The following GRID2IP variants were observed in gnomAD, a reference collection of about 807,000 sequenced individuals.
GRID2IP encodes the protein Grid2 interacting protein.
In GRID2IP, 78 loss-of-function variants were observed where a neutral mutation model predicts 114.3. The observed-to-expected ratio is 0.68, with a 90% confidence interval of 0.57 to 0.82. The LOEUF (loss-of-function observed/expected upper bound fraction) is 0.82, where lower values mean the gene tolerates loss of function less well. Among genes scored for constraint, GRID2IP ranks in the 40% least tolerant of loss-of-function variants. The pLI, the probability that GRID2IP is intolerant of heterozygous loss-of-function variation, is 0.00. For synonymous variants in GRID2IP, 809 were observed against 724.0 expected, an observed-to-expected ratio of 1.12 and a Z score of -1.89; for missense variants, 1,727 against 1,678.5, an observed-to-expected ratio of 1.03 and a Z score of -0.51.
chr7:6,515,228 G>A (rs1562516895), intron 7 of GRID2IP, among the ~76,000 whole-genome samples: 1 of 152,182 alleles, frequency 6.6e-6, no homozygotes, highest in Non-Finnish European at 1.5e-5. Flanking sequence ...GTGGGAGGCC[G>A]AGGCGGTTGG....
intron 1 of GRID2IP, among the ~76,000 whole-genome samples, chr7:6,542,219 C>T (rs1351120772): frequency 6.8e-6 from 1 of 147,254 alleles, no homozygotes; most frequent in African/African-American, 2.5e-5. Flanking sequence ...GCAGGAGAAT[C>T]GCTTGAACCC....
At chr7:6,549,703 C>T (rs1364483367) in intron 1 of GRID2IP, among the ~76,000 whole-genome samples, 1 of 152,144 alleles carries the variant, frequency 6.6e-6, no homozygotes, top group Non-Finnish European at 1.5e-5. Flanking sequence ...TCACTGCAAC[C>T]TCCGTCTCCC....
intron 4 of GRID2IP, among the ~76,000 whole-genome samples, chr7:6,525,877 C>G (rs1429864201): frequency 1.1e-4 from 16 of 152,070 alleles, no homozygotes; most frequent in Admixed American, 9.2e-4. Context: ...CCTGGCTGCC[C>G]CAGAGTCCTA....
intron 2 of GRID2IP, among the ~76,000 whole-genome samples, chr7:6,537,270 A>G (rs1779741766): frequency 6.7e-6 from 1 of 149,866 alleles, no homozygotes; most frequent in South Asian, 2.2e-4. Flanking sequence ...CAGGCCGGGC[A>G]CGGTGGCTCA....
intron 20 of GRID2IP, among the ~76,000 whole-genome samples, chr7:6,500,760 C>T (rs1166099890): frequency 6.6e-6 from 1 of 152,216 alleles, no homozygotes; most frequent in African/African-American, 2.4e-5. Context: ...GTGTTCCCTG[C>T]CAAGGGGTGT....
Position 6,506,557 on chromosome 7 carries a change from C to A in GRID2IP, c.2545-650G>T, listed in dbSNP as rs937388749. ...TGTGTGACCTGTGTCCCTGTGTCCA[C>A]CTTTGGTAACCAATGGAAGAACCAC... On this transcript the variant is annotated intron_variant, in intron 13 of 21. Coordinates refer to ENST00000457091, the MANE Select transcript of GRID2IP (RefSeq NM_001145118.2). This position sits in a 1 kb window ranked among gnomAD's most constrained non-coding sequence, Gnocchi z 5.2. 6.6e-6 allele frequency among the ~76,000 whole-genome samples: 1 copy of A among 152,146 alleles called. No individual in the cohort carries two copies. The highest frequency in any genetic ancestry group is 1.5e-5 in the Non-Finnish European group (1 of 68,038).
rs551541075 is a variant in GRID2IP at position 6,516,483 on chromosome 7, C to G, written c.1269-1954G>C. Among the ~76,000 whole-genome samples the G allele has an allele frequency of 6.6e-6, 1 of 152,038 alleles. No homozygotes were observed. Among genetic ancestry groups the G allele is most frequent in the African/African-American group, 2.4e-5 (1 of 41,356 alleles). On this transcript the variant is annotated intron_variant, in intron 7 of 21. Transcript: ENST00000457091. The surrounding 1 kb of genome is among the most constrained non-coding windows in gnomAD (Gnocchi z 4.3). ...CCAAAAGACAAGAGTGTGAGCCCTC[C>G]GTTATGCCTGGACAGGGCCACTAGA...
chr7:6,507,031 G>C lies in GRID2IP; in HGVS notation c.2544+954C>G, dbSNP rs1026765501. On this transcript the variant is annotated intron_variant, in intron 13 of 21. Transcript: ENST00000457091. This position sits in a 1 kb window ranked among gnomAD's most constrained non-coding sequence, Gnocchi z 5.3. The stretch of plus-strand genomic sequence containing the variant: ...CTTGGAAAGGGTCCCTGGAGATGTG[G>C]GCTGAGAAAGCAGGAGACAGAATTG... Among the ~76,000 whole-genome samples the C allele has an allele frequency of 6.6e-6, 1 of 152,052 alleles. No individual in the cohort carries two copies. The highest frequency in any genetic ancestry group is 1.5e-5 in the Non-Finnish European group (1 of 68,026).
intron 15 of GRID2IP, 137 bp from the exon 16 acceptor site, chr7:6,503,824 C>A: frequency 3.3e-6 from 2 of 604,224 alleles, no homozygotes; most frequent in Non-Finnish European, 5.4e-6. Flanking sequence ...GGCCTTGAGG[C>A]TGGAAGGACA....
At chr7:6,514,951 C>CAA (rs537586098) in intron 7 of GRID2IP, among the ~76,000 whole-genome samples, 4,208 of 76,048 alleles carry the variant, frequency 0.055, 158 homozygotes, top group African/African-American at 0.14. Flanking sequence ...GACTCCAACT[C>CAA]AAAAAAAAAA....
Position 6,508,885 on chromosome 7 carries a change from A to C in GRID2IP, c.2127+73T>G. ...GGCAGCAGGCCCCTTGCGGGAGCCCAGGAACACTGTTGCCTTGCAGACCGC... is the reference window on the plus strand; with the variant it reads ...GGCAGCAGGCCCCTTGCGGGAGCCCCGGAACACTGTTGCCTTGCAGACCGC... On this transcript the variant is annotated intron_variant, in intron 12 of 21. Transcript: ENST00000457091. This position sits in a 1 kb window ranked among gnomAD's most constrained non-coding sequence, Gnocchi z 5.6. 6.7e-7 allele frequency: 1 copy of C among 1,493,166 alleles called. No homozygotes were observed. The highest frequency in any genetic ancestry group is 2.4e-4 in the Middle Eastern group (1 of 4,242). 92.5% of individuals were successfully genotyped at this position (1,493,166 alleles called of 1,614,324 possible).
At chr7:6,542,811 CAT>C (rs1258448615) in intron 1 of GRID2IP, among the ~76,000 whole-genome samples, 14 of 152,214 alleles carry the variant, frequency 9.2e-5, no homozygotes, top group Admixed American at 2.6e-4. Context: ...GAATTGCCCA[CAT>C]GTCATACAGT....
chr7:6,508,023 C>A lies in GRID2IP; in HGVS notation c.2506G>T (p.Glu836Ter). Residue 836 changes from glutamate (E) to a stop codon, truncating the protein, a stop_gained, in exon 13 of 22, where the codon GAA becomes TAA. Coordinates refer to ENST00000457091, the MANE Select transcript of GRID2IP (RefSeq NM_001145118.2). LOFTEE classifies it high-confidence loss of function. The surrounding 1 kb of genome is among the most constrained non-coding windows in gnomAD (Gnocchi z 5.6). Reference protein sequence around the residue: ...SHMSVKRLRWEQVENSEGTIW... With the variant: ...SHMSVKRLRW Reference sequence around the variant, plus strand: ...GTGCCTTCTGAGTTCTCCACCTGTTCCCACCGCAAGCGCTTGACGCTCATG... The same window carrying A: ...GTGCCTTCTGAGTTCTCCACCTGTTACCACCGCAAGCGCTTGACGCTCATG... 2 of 1,549,872 alleles carry A rather than the reference C, an allele frequency of 1.3e-6. No homozygotes were observed. The highest frequency in any genetic ancestry group is 1.7e-6 in the Non-Finnish European group (2 of 1,146,780).
rs991941290 is a variant in GRID2IP, at chr7:6,551,323, C to T, written c.114G>A (p.Ala38=). 2.6e-6 allele frequency: 4 copies of T among 1,546,430 alleles called. No individual in the cohort carries two copies. The highest frequency in any genetic ancestry group is 3.9e-5 in the Admixed American group (2 of 50,956). Residue 38 remains alanine, a synonymous_variant, in exon 1 of 22, where the codon GCG becomes GCA. Transcript: ENST00000457091. The part of the protein sequence containing the change: ...FVLEVAKGSS[A]HAGGLRPGDQ... ...CTCCTGGCCGCAGTCCTCCGGCATG[C>T]GCGCTGCTCCCCTTGGCCACCTCCA...
intron 7 of GRID2IP, among the ~76,000 whole-genome samples, chr7:6,515,552 C>T (rs911394385): frequency 6.6e-6 from 1 of 150,922 alleles, no homozygotes; most frequent in Non-Finnish European, 1.5e-5. Context: ...CTGAGGCAGG[C>T]GAATCATCTG....
Position 6,506,196 on chromosome 7 carries a change from G to A in GRID2IP, c.2545-289C>T, listed in dbSNP as rs1281973218. 6.6e-6 allele frequency among the ~76,000 whole-genome samples: 1 copy of A among 152,246 alleles called. No individual in the cohort carries two copies. The highest frequency in any genetic ancestry group is 2.4e-5 in the African/African-American group (1 of 41,464). The stretch of plus-strand genomic sequence containing the variant: ...AGCGGGGGCATGAAGGAGCTGTGAA[G>A]AGGCTAGAGCCAAGTAAGGGGCTAC... On this transcript the variant is annotated intron_variant, in intron 13 of 21. Coordinates refer to ENST00000457091, the MANE Select transcript of GRID2IP (RefSeq NM_001145118.2). The surrounding 1 kb of genome is among the most constrained non-coding windows in gnomAD (Gnocchi z 5.2).
intron 14 of GRID2IP, 48 bp from the exon 15 acceptor site, chr7:6,504,918 A>T (rs768317643): frequency 1.3e-6 from 2 of 1,496,396 alleles, no homozygotes; most frequent in East Asian, 4.9e-5. Context: ...CTGAGGCTGC[A>T]GTGGGAAGGC....
Position 6,520,956 on chromosome 7 carries a change from G to A in GRID2IP, c.1085-195C>T, listed in dbSNP as rs1779399783. ...GTCAGCCCTGGGAAGGGTCCCTAAG[G>A]CTATACACTAGGGTTTTTTGTTTGT... On this transcript the variant is annotated intron_variant, in intron 6 of 21. Coordinates refer to ENST00000457091, the MANE Select transcript of GRID2IP (RefSeq NM_001145118.2). This position sits in a 1 kb window ranked among gnomAD's most constrained non-coding sequence, Gnocchi z 4.6. 6.6e-6 allele frequency among the ~76,000 whole-genome samples: 1 copy of A among 152,108 alleles called. No individual in the cohort carries two copies. Among genetic ancestry groups the A allele is most frequent in the African/African-American group, 2.4e-5 (1 of 41,410 alleles).
At position 6,498,233 on chromosome 7, in the gene GRID2IP, C is replaced by G. The variant is rs1483693571; in HGVS notation, c.3400-5G>C. ...CTGGGCCGTCTCCAGGAAGGACTGA[C>G]AGGCCTCAGTTAAGGAAACAGCCAG... On this transcript the variant is annotated splice_region_variant and splice_polypyrimidine_tract_variant and intron_variant, in intron 20 of 21. Coordinates refer to ENST00000457091, the MANE Select transcript of GRID2IP (RefSeq NM_001145118.2). 22 of 1,537,076 alleles carry G rather than the reference C, an allele frequency of 1.4e-5. No individual in the cohort carries two copies. The highest frequency in any genetic ancestry group is 1.5e-5 in the Non-Finnish European group (17 of 1,141,558).
Sources: gnomAD v4.1 joint callset for allele counts (sites outside exome capture counted in the v4.1 genomes callset) on GRCh38, gnomAD v4.1.1 for gene constraint, Gnocchi (gnomAD v3.1) non-coding constraint, MANE v1.5 for transcripts, NCBI Gene and HGNC (gene_info 2026-07-23, HGNC 2026-07-21) for gene names.